RABEPK: variants seen among roughly 807,000 people sequenced by gnomAD.
RABEPK encodes 40 kDa Rab9 effector protein.
In RABEPK, 27 loss-of-function variants were observed where a neutral mutation model predicts 34.1. That is an observed-to-expected ratio of 0.79 (90% CI 0.58 to 1.09). RABEPK has a LOEUF of 1.09. Among genes scored for constraint, RABEPK ranks in the 50% least tolerant of loss-of-function variants. The probability of loss-of-function intolerance (pLI) is 0.00; values close to 1 mark genes in which losing one functional copy is unlikely to be tolerated. For missense variants in RABEPK, 449 were observed against 462.6 expected, an observed-to-expected ratio of 0.97 and a Z score of 0.27; for synonymous variants, 172 against 169.2, an observed-to-expected ratio of 1.02 and a Z score of -0.13.
At chr9:125,210,638 G>A (rs1588345661) in intron 3 of RABEPK, among the ~76,000 whole-genome samples, 1 of 148,560 alleles carries the variant, frequency 6.7e-6, no homozygotes, top group South Asian at 2.1e-4. Flanking sequence ...CATCTGGGAG[G>A]CAGAGGTTGC....
chr9:125,225,044 A>G (rs186971760), intron 5 of RABEPK, among the ~76,000 whole-genome samples: 1 of 152,166 alleles, frequency 6.6e-6, no homozygotes, highest in East Asian at 1.9e-4. Flanking sequence ...ACTTGAGCCT[A>G]GGAGTTCCAG....
chr9:125,214,291 A>T (rs989908602), intron 4 of RABEPK, among the ~76,000 whole-genome samples: 10 of 152,084 alleles, frequency 6.6e-5, no homozygotes, highest in African/African-American at 2.4e-4. Flanking sequence ...GGGTTATCAC[A>T]ACTGGGGGTA....
rs1830300858 is a variant in RABEPK, at chr9:125,207,548, A to T, written c.54-16A>T. 6.2e-7 allele frequency: 1 copy of T among 1,612,092 alleles called. No homozygotes were observed. The highest frequency in any genetic ancestry group is 1.7e-5 in the Admixed American group (1 of 59,974). On this transcript the variant is annotated splice_polypyrimidine_tract_variant and intron_variant, in intron 2 of 7. Coordinates refer to ENST00000373538, the MANE Select transcript of RABEPK (RefSeq NM_005833.4). Reference sequence around the variant, plus strand: ...TTCTCTGCTCAGGCCTCCTGAATACATCCTTCCTTTGGCAGGTACACCTTG... The same window carrying T: ...TTCTCTGCTCAGGCCTCCTGAATACTTCCTTCCTTTGGCAGGTACACCTTG...
At chr9:125,206,350 T>G (rs1040493129) in intron 2 of RABEPK, among the ~76,000 whole-genome samples, 9 of 151,928 alleles carry the variant, frequency 5.9e-5, no homozygotes, top group African/African-American at 2.2e-4. Context: ...ATACAAAAAT[T>G]AGCCAGGCAT....
chr9:125,215,205 G>GTTTT (rs59272289), intron 4 of RABEPK, among the ~76,000 whole-genome samples: 1 of 146,002 alleles, frequency 6.8e-6, no homozygotes, highest in African/African-American at 2.5e-5. Context: ...AAATAGGTGG[G>GTTTT]TTTTTTTTTT....
intron 4 of RABEPK, among the ~76,000 whole-genome samples, chr9:125,218,834 C>T (rs917380546): frequency 1.3e-5 from 2 of 152,116 alleles, no homozygotes; most frequent in Non-Finnish European, 2.9e-5. Flanking sequence ...TCAGTATATC[C>T]TCCCACCTAA....
intron 5 of RABEPK, chr9:125,222,314 G>A (rs989853507): frequency 6.6e-6 from 1 of 151,942 alleles, no homozygotes; most frequent in African/African-American, 2.4e-5. Flanking sequence ...AAAAACATAT[G>A]TATGTGTATA....
At chr9:125,228,290 G>T (rs1831913543) in intron 6 of RABEPK, among the ~76,000 whole-genome samples, 2 of 151,660 alleles carry the variant, frequency 1.3e-5, no homozygotes, top group South Asian at 4.2e-4. Flanking sequence ...GTAGAGATGG[G>T]GTCTCACCAT....
intron 7 of RABEPK, 133 bp from the exon 8 acceptor site, chr9:125,233,555 G>A (rs943159645): frequency 6.8e-6 from 6 of 883,040 alleles, no homozygotes; most frequent in African/African-American, 6.7e-5. Context: ...TGTTAGCCAG[G>A]ATGGTCTCCA....
At chr9:125,210,195 A>C (rs1588343771) in intron 3 of RABEPK, among the ~76,000 whole-genome samples, 4 of 152,086 alleles carry the variant, frequency 2.6e-5, no homozygotes, top group Admixed American at 2.6e-4. Flanking sequence ...CTAGGTCAAG[A>C]GATCGAGACC....
intron 5 of RABEPK, among the ~76,000 whole-genome samples, chr9:125,224,741 A>T (rs548115303): frequency 9.2e-5 from 14 of 152,232 alleles, no homozygotes; most frequent in Non-Finnish European, 1.8e-4. Context: ...GTCATAAGCC[A>T]CTGCGCCCGG....
intron 4 of RABEPK, among the ~76,000 whole-genome samples, chr9:125,215,314 C>CT (rs1054139180): frequency 1.4e-3 from 188 of 136,926 alleles, no homozygotes; most frequent in African/African-American, 2.4e-3. Context: ...TTGTTGGTAA[C>CT]TTTTTTTTTT....
In RABEPK at chr9:125,207,654, G is replaced by A. The variant is rs1422794458; in HGVS notation, c.144G>A (p.Gly48=). 6.2e-7 allele frequency: 1 copy of A among 1,614,174 alleles called. No individual in the cohort carries two copies. Among genetic ancestry groups the A allele is most frequent in the Non-Finnish European group, 8.5e-7 (1 of 1,180,024 alleles). Residue 48 remains glycine, a synonymous_variant, in exon 3 of 8, where the codon GGG becomes GGA. Transcript: ENST00000373538. ...YLPPVGNAKR[G]KVFIVGGANP... is the part of the protein sequence containing the mutation. ...CCCCAGTTGGTAATGCCAAGAGAGG[G>A]AAGGTCTTCATTGTTGGGGGAGCAA...
chr9:125,232,868 G>C (rs1832302082), intron 7 of RABEPK, 123 bp downstream of exon 7: 1 of 996,136 alleles, frequency 1.0e-6, no homozygotes, highest in Non-Finnish European at 1.4e-6. Flanking sequence ...ACGAGGTCAG[G>C]AGATCGAGAC....
At chr9:125,204,149 A>G (rs746747866) in intron 2 of RABEPK, among the ~76,000 whole-genome samples, 1 of 152,050 alleles carries the variant, frequency 6.6e-6, no homozygotes, top group African/African-American at 2.4e-5. Context: ...TCTGGCTAAC[A>G]TGGTGAAACC....
Position 125,233,923 on chromosome 9 carries a change from T to G in RABEPK, c.1062T>G (p.Gly354=). Residue 354 remains glycine, a synonymous_variant, in exon 8 of 8, where the codon GGT becomes GGG. Coordinates refer to ENST00000373538, the MANE Select transcript of RABEPK (RefSeq NM_005833.4). ...CTACACTGCTCTGTTTGGTGTTTGG[T>G]GGGATGAATACAGAAGGGGAAATCT... ...QTATLLCLVF[G]GMNTEGEIYD... 6.2e-7 allele frequency: 1 copy of G among 1,613,634 alleles called. No homozygotes were observed. Among genetic ancestry groups the G allele is most frequent in the Non-Finnish European group, 8.5e-7 (1 of 1,179,600 alleles).
intron 5 of RABEPK, 144 bp downstream of exon 5, chr9:125,220,844 T>G: frequency 9.2e-7 from 1 of 1,086,846 alleles, no homozygotes; most frequent in Non-Finnish European, 1.2e-6. Context: ...AGCTGATATC[T>G]TTTTCCCACA....
chr9:125,218,039 C>T lies in RABEPK; in HGVS notation c.365-2500C>T, dbSNP rs1019470919. Among the ~76,000 whole-genome samples, 4 of 151,878 alleles carry T rather than the reference C, an allele frequency of 2.6e-5. No homozygotes were observed. In the South Asian group the frequency reaches 6.2e-4, roughly 24 times the overall value. On this transcript the variant is annotated intron_variant, in intron 4 of 7. Coordinates refer to ENST00000373538, the MANE Select transcript of RABEPK (RefSeq NM_005833.4). ...GATAGAACTGAGTTCAGGCCCGGCG[C>T]GGTAGCTCACGCCTGTAATCTCAGC...
rs537006410 is a variant in RABEPK at position 125,218,277 on chromosome 9, G to C, written c.365-2262G>C. On this transcript the variant is annotated intron_variant, in intron 4 of 7. Coordinates refer to ENST00000373538, the MANE Select transcript of RABEPK (RefSeq NM_005833.4). ...GGAGCTTGCAAAGTGAGCCGAGATC[G>C]CGCCACTGCACTCTGGGCTGGGAGC... is the stretch of plus-strand genomic sequence containing the variant. Among the ~76,000 whole-genome samples the C allele has an allele frequency of 4.8e-5, 6 of 125,352 alleles. No homozygotes were observed. The South Asian group carries it at 1.6e-3, about 33-fold the overall frequency. 82.2% of individuals were successfully genotyped at this position (125,352 alleles called of 152,430 possible). A position where few individuals can be genotyped will look rare whatever the true frequency, so the allele number is the denominator to read the frequency against.
Sources: allele counts gnomAD v4.1 joint callset (sites outside exome capture counted in the v4.1 genomes callset), GRCh38; gene constraint gnomAD v4.1.1; transcripts MANE v1.5; gene names NCBI Gene and HGNC (gene_info 2026-07-23, HGNC 2026-07-21).